Variants in HSPG2 observed in about 807,000 individuals in gnomAD.
HSPG2 encodes basement membrane-specific heparan sulfate proteoglycan core protein.
In HSPG2, 278 loss-of-function variants were observed where a neutral mutation model predicts 526.6. The observed-to-expected ratio is 0.53, with a 90% confidence interval of 0.48 to 0.58. The LOEUF (loss-of-function observed/expected upper bound fraction) is 0.58, where lower values mean the gene tolerates loss of function less well. Ranked by LOEUF, HSPG2 falls within the 20% of genes least tolerant of loss-of-function variation. The pLI, the probability that HSPG2 is intolerant of heterozygous loss-of-function variation, is 0.00. For synonymous variants in HSPG2, 2,465 were observed against 2,555.4 expected (o/e 0.96, Z 1.07); for missense variants, 5,354 against 6,099.5 (o/e 0.88, Z 4.07).
chr1:21,877,059 C>CAAAAAAAAAAAAAAAAAA (rs3077630), intron 21 of HSPG2, among the ~76,000 whole-genome samples: 6 of 103,134 alleles, frequency 5.8e-5, no homozygotes, highest in Non-Finnish European at 9.2e-5. Context: ...GACTCCATCT[C>CAAAAAAAAAAAAAAAAAA]AAAAAAAAAA....
rs960121237 is a variant in HSPG2 at position 21,863,562 on chromosome 1, A to G, written c.4740+538T>C. 2.2e-4 allele frequency among the ~76,000 whole-genome samples: 33 copies of G among 151,146 alleles called. 1 individual carries two copies. Among genetic ancestry groups the G allele is most frequent in the East Asian group, 2.0e-4 (1 of 5,060 alleles). The stretch of plus-strand genomic sequence containing the variant: ...TACCCTGGGGGGCTATATACATGCT[A>G]CTCTGAAAAGTCAAGGTATAAAAAA... On this transcript the variant is annotated intron_variant, in intron 37 of 96. Coordinates refer to ENST00000374695, the MANE Select transcript of HSPG2 (RefSeq NM_005529.7).
chr1:21,829,786 G>T, intron 86 of HSPG2, 182 bp from the exon 87 acceptor site: 1 of 703,082 alleles, frequency 1.4e-6, no homozygotes, highest in Non-Finnish European at 2.4e-6. Context: ...GGGCTGGGAG[G>T]AGCTCCAATA....
rs112371563 is a variant in HSPG2 at position 21,907,543 on chromosome 1, A to AT, written c.64-11234dup. Among the ~76,000 whole-genome samples the AT allele has an allele frequency of 1.3e-4, 19 of 151,452 alleles. 1 individual carries two copies. The highest frequency in any genetic ancestry group is 3.6e-4 in the African/African-American group (15 of 41,306). ...ACTCACTTTCATCAAAACACATCCA[A>AT]TTTTTTTTTAACAGGGTTCTGCTCT... On this transcript the variant is annotated intron_variant, in intron 1 of 96. Coordinates refer to ENST00000374695, the MANE Select transcript of HSPG2 (RefSeq NM_005529.7).
Position 21,827,922 on chromosome 1 carries a change from A to AT in HSPG2, c.12533-4dup. The AT allele has an allele frequency of 6.2e-7, 1 of 1,604,100 alleles. No homozygotes were observed. The highest frequency in any genetic ancestry group is 8.5e-7 in the Non-Finnish European group (1 of 1,175,746). ...CTCTGCTATGCCATGTCCAGAGCCT[A>AT]TGGAGAAGGGCAGGGTCCAGTTGGT... is the stretch of plus-strand genomic sequence containing the variant. On this transcript the variant is annotated splice_polypyrimidine_tract_variant and splice_region_variant and intron_variant, in intron 90 of 96. Transcript: ENST00000374695.
intron 95 of HSPG2, 134 bp downstream of exon 95, chr1:21,823,987 G>T: frequency 1.1e-6 from 1 of 938,486 alleles, no homozygotes; most frequent in South Asian, 1.4e-5. Context: ...CCTGGCTGGT[G>T]GGTTCTCCCC....
At chr1:21,902,435 G>A (rs937088680) in intron 1 of HSPG2, among the ~76,000 whole-genome samples, 5 of 152,202 alleles carry the variant, frequency 3.3e-5, no homozygotes, top group Non-Finnish European at 5.9e-5. Context: ...CAAGACTTAC[G>A]TCACTCAGAT....
At chr1:21,875,821 G>A (rs1398901289) in intron 24 of HSPG2, 42 bp downstream of exon 24, 1 of 1,607,488 alleles carries the variant, frequency 6.2e-7, no homozygotes, top group Non-Finnish European at 8.5e-7. Flanking sequence ...CAGGAGCAAG[G>A]GCCTGCCCGC....
At chr1:21,923,034 G>A (rs943410584) in intron 1 of HSPG2, among the ~76,000 whole-genome samples, 6 of 101,714 alleles carry the variant, frequency 5.9e-5, no homozygotes, top group African/African-American at 1.3e-4. Context: ...CCAAGACTGC[G>A]CCCTTCATTT....
intron 76 of HSPG2, 176 bp from the exon 77 acceptor site, chr1:21,835,121 T>A: frequency 1.3e-6 from 1 of 752,240 alleles, no homozygotes; most frequent in South Asian, 1.5e-5. Context: ...CTTATGCATT[T>A]ACTCACTCAC....
rs753454571 is a variant in HSPG2, at chr1:21,875,678, C to T, written c.3253G>A (p.Asp1085Asn). Residue 1085 changes from aspartate (D) to asparagine (N), a missense_variant, in exon 25 of 97, where the codon GAC becomes AAC. By Grantham distance (23) the Asp-to-Asn change is conservative. Transcript: ENST00000374695. ...EHLLMALAGIDTLLIRASYAQ... is the reference protein window; with the variant it reads ...EHLLMALAGINTLLIRASYAQ... ...TAGGATGCTCGGATCAGGAGGGTGTCGATGCCTGCCAGTGCCATCAGCAGG... is the reference window on the plus strand; with the variant it reads ...TAGGATGCTCGGATCAGGAGGGTGTTGATGCCTGCCAGTGCCATCAGCAGG... 11 of 1,603,718 alleles carry T rather than the reference C, an allele frequency of 6.9e-6. No individual in the cohort carries two copies. The highest frequency in any genetic ancestry group is 3.3e-5 in the South Asian group (3 of 91,088).
rs2098011254 is a variant in HSPG2 at position 21,833,023 on chromosome 1, GC to G, written c.11095+244del. On this transcript the variant is annotated intron_variant, in intron 80 of 96. Transcript: ENST00000374695. ...CTGGGACAGGAGGACTGGGGGTGAT[GC>G]CCCGGTGGCAGAGGAGCCACGAGGA... is the stretch of plus-strand genomic sequence containing the variant. 5.1e-6 allele frequency: 3 copies of G among 588,062 alleles called. No individual in the cohort carries two copies. The Admixed American group carries it at 8.1e-5, about 16-fold the overall frequency. The allele number at this position is 588,062 out of a possible 1,614,324, so 36.4% of individuals were successfully genotyped here.
chr1:21,896,394 C>G, intron 1 of HSPG2, 84 bp from the exon 2 acceptor site: 1 of 1,509,538 alleles, frequency 6.6e-7, no homozygotes, highest in Non-Finnish European at 9.1e-7. Flanking sequence ...CCAGGGGGAC[C>G]CAGAATCCCA....
Position 21,864,208 on chromosome 1 carries a change from A to G in HSPG2, c.4632T>C (p.Cys1544=), listed in dbSNP as rs1640044791. Residue 1544 remains cysteine (C), a synonymous_variant, in exon 37 of 97, where the codon TGT becomes TGC. Transcript: ENST00000374695. The surrounding 1 kb of genome is among the most constrained non-coding windows in gnomAD (Gnocchi z 4.8). ...PGYIGLSCQD[C]APGYTRTGSG... ...TCCCGGTGCGCGTGTAGCCGGGGGC[A>G]CAGTCCTAGGGGCAGAGAGGAAGGT... 2 of 1,551,334 alleles carry G rather than the reference A, an allele frequency of 1.3e-6. No homozygotes were observed. The highest frequency in any genetic ancestry group is 2.0e-5 in the Admixed American group (1 of 51,116).
Position 21,931,752 on chromosome 1 carries a change from C to A in HSPG2, c.63+5403G>T, listed in dbSNP as rs573693902. Among the ~76,000 whole-genome samples, 8 of 152,242 alleles carry A rather than the reference C, an allele frequency of 5.3e-5. No individual in the cohort carries two copies. The South Asian group carries it at 1.7e-3, about 32-fold the overall frequency. ...TCCATAGCCTGGGCAGGCCCTCCTG[C>A]CCTCCCTCCTGAGCCTCTCACCCCA... On this transcript the variant is annotated intron_variant, in intron 1 of 96. Transcript: ENST00000374695.
chr1:21,848,582 C>G lies in HSPG2; in HGVS notation c.7737+61G>C, dbSNP rs1028335977. ...ACAGAGTGAGGTGCTGAGAGTCCCC[C>G]CTCTTCCCATTGGGGGCTGGTGTGC... On this transcript the variant is annotated intron_variant, in intron 59 of 96. Coordinates refer to ENST00000374695, the MANE Select transcript of HSPG2 (RefSeq NM_005529.7). The surrounding 1 kb of genome is among the most constrained non-coding windows in gnomAD (Gnocchi z 4.9). The G allele has an allele frequency of 6.3e-7, 1 of 1,579,240 alleles. No individual in the cohort carries two copies.
At chr1:21,827,826 A>C in intron 91 of HSPG2, 37 bp downstream of exon 91, 1 of 1,559,204 alleles carries the variant, frequency 6.4e-7, no homozygotes, top group Non-Finnish European at 8.7e-7. Context: ...GAGTGAGCTG[A>C]GCTGAAGCTG....
In HSPG2 at chr1:21,849,067, C is replaced by T. The variant is rs993368352; in HGVS notation, c.7447-36G>A. The T allele has an allele frequency of 2.5e-6, 4 of 1,607,410 alleles. No homozygotes were observed. The African/African-American group carries it at 4.0e-5, about 16-fold the overall frequency. Reference sequence around the variant, plus strand: ...CAGGAGGGAGGAGGCAGGCTCAGAGCTGGGCACTGCGGCTCACGCCAAGCT... The same window carrying T: ...CAGGAGGGAGGAGGCAGGCTCAGAGTTGGGCACTGCGGCTCACGCCAAGCT... On this transcript the variant is annotated intron_variant, in intron 57 of 96. Coordinates refer to ENST00000374695, the MANE Select transcript of HSPG2 (RefSeq NM_005529.7).
In HSPG2 at chr1:21,873,295, G is replaced by A. The variant is rs773954217; in HGVS notation, c.3793+80C>T. ...CAGGCTCGGACAGGCAAAGCCAAAG[G>A]GGAGTAAAGGCTTCTGTCCTAGCTC... On this transcript the variant is annotated intron_variant, in intron 30 of 96. Transcript: ENST00000374695. 7.2e-4 allele frequency: 1,085 copies of A among 1,506,040 alleles called. 2 individuals are homozygous for A. The highest frequency in any genetic ancestry group is 9.4e-4 in the Non-Finnish European group (1,012 of 1,081,418). The allele number at this position is 1,506,040 out of a possible 1,614,324, so 93.3% of individuals were successfully genotyped here.
In HSPG2 at chr1:21,855,367, C is replaced by T. The variant is rs557762861; in HGVS notation, c.5934G>A (p.Arg1978=). The part of the protein sequence containing the change: ...HAGRTVRLYC[R]AAGVPSATIT... ...TGGTGGCGCTAGGCACGCCTGCAGC[C>T]CTGCAGTACAGCCTGACGGTGCGGC... The change falls in exon 47 of 97, where the codon AGG becomes AGA. Residue 1978 remains arginine (R), a synonymous_variant. Coordinates refer to ENST00000374695, the MANE Select transcript of HSPG2 (RefSeq NM_005529.7). 44 of 1,612,346 alleles carry T rather than the reference C, an allele frequency of 2.7e-5. No homozygotes were observed. The East Asian group carries it at 8.2e-4, about 30-fold the overall frequency.
Sources: allele counts gnomAD v4.1 joint callset (sites outside exome capture counted in the v4.1 genomes callset), GRCh38; gene constraint gnomAD v4.1.1; non-coding constraint Gnocchi (gnomAD v3.1); transcripts MANE v1.5; gene names NCBI Gene and HGNC (gene_info 2026-07-23, HGNC 2026-07-21).